LDLRAD3: variants seen among roughly 807,000 people sequenced by gnomAD.
The protein encoded by LDLRAD3 is low-density lipoprotein receptor class A domain-containing protein 3.
In LDLRAD3, 20 loss-of-function variants were observed where a neutral mutation model predicts 29.4. That is an observed-to-expected ratio of 0.68 (90% CI 0.48 to 0.99). The LOEUF (loss-of-function observed/expected upper bound fraction) is 0.99. Among genes scored for constraint, LDLRAD3 ranks in the 50% least tolerant of loss-of-function variants. LDLRAD3 has a pLI of 0.00. For missense variants in LDLRAD3, 420 were observed against 454.3 expected (o/e 0.92, Z 0.69); for synonymous variants, 157 against 192.7 (o/e 0.81, Z 1.53).
At chr11:35,976,864 G>T (rs1177101101) in intron 1 of LDLRAD3, among the ~76,000 whole-genome samples, 1 of 152,178 alleles carries the variant, frequency 6.6e-6, no homozygotes, top group Non-Finnish European at 1.5e-5. Flanking sequence ...GTGTGCGTGT[G>T]TGTACACACA....
intron 4 of LDLRAD3, among the ~76,000 whole-genome samples, chr11:36,145,434 G>A (rs534255162): frequency 2.6e-5 from 3 of 114,448 alleles, no homozygotes; most frequent in African/African-American, 7.7e-5. Flanking sequence ...GGTGAGGGGC[G>A]CCTCTGCCCG....
chr11:36,158,704 C>G (rs1854391412), intron 4 of LDLRAD3, among the ~76,000 whole-genome samples: 1 of 152,130 alleles, frequency 6.6e-6, no homozygotes, highest in Admixed American at 6.5e-5. Context: ...TGTGGTGTGA[C>G]AGATGCTCAC....
chr11:36,036,144 A>G lies in LDLRAD3; in HGVS notation c.88A>G (p.Asn30Asp), dbSNP rs779196700. ...LPGNNFTNEC[N>D]IPGNFMCSNG... ...CGGGAACAACTTCACCAATGAGTGC[A>G]ACATACCAGGCAACTTCATGTGCAG... Residue 30 changes from asparagine (N) to aspartate (D), a missense_variant, in exon 2 of 6, where the codon AAC becomes GAC. Transcript: ENST00000315571. The G allele has an allele frequency of 3.7e-6, 6 of 1,614,144 alleles. No homozygotes were observed. Among genetic ancestry groups the G allele is most frequent in the Non-Finnish European group, 5.1e-6 (6 of 1,180,020 alleles).
At chr11:36,143,735 TCCCAGCAC>T (rs1854120818) in intron 4 of LDLRAD3, among the ~76,000 whole-genome samples, 1 of 152,188 alleles carries the variant, frequency 6.6e-6, no homozygotes, top group Non-Finnish European at 1.5e-5. Context: ...GTCTGGTTTC[TCCCAGCAC>T]CCCTTTTTTT....
intron 1 of LDLRAD3, among the ~76,000 whole-genome samples, chr11:36,003,251 T>C (rs571988073): frequency 1.3e-5 from 2 of 152,260 alleles, no homozygotes; most frequent in African/African-American, 4.8e-5. Context: ...TTAGAGTGAG[T>C]GTGTGTCACA....
chr11:36,029,929 C>T (rs1852214692), intron 1 of LDLRAD3, among the ~76,000 whole-genome samples: 1 of 152,156 alleles, frequency 6.6e-6, no homozygotes, highest in East Asian at 1.9e-4. Context: ...AATTGCACAC[C>T]ATCTTCTTTT....
chr11:36,063,989 G>A (rs918943857), intron 2 of LDLRAD3, among the ~76,000 whole-genome samples: 1 of 152,070 alleles, frequency 6.6e-6, no homozygotes, highest in African/African-American at 2.4e-5. Flanking sequence ...TAGACTCTGT[G>A]GATCAATTTG....
intron 2 of LDLRAD3, among the ~76,000 whole-genome samples, chr11:36,039,559 G>T (rs1852354358): frequency 6.6e-6 from 1 of 152,086 alleles, no homozygotes; most frequent in Non-Finnish European, 1.5e-5. Context: ...CCTGTATACA[G>T]TAAGTGGCTT....
chr11:35,948,131 C>T (rs1851083340), intron 1 of LDLRAD3, among the ~76,000 whole-genome samples: 1 of 151,940 alleles, frequency 6.6e-6, no homozygotes, highest in African/African-American at 2.4e-5. Flanking sequence ...CATGGGGGTT[C>T]GTTTTCATTC....
intron 2 of LDLRAD3, among the ~76,000 whole-genome samples, chr11:36,040,399 C>T (rs1377009764): frequency 2.6e-5 from 4 of 151,882 alleles, no homozygotes; most frequent in South Asian, 2.1e-4. Context: ...CTATTGGCAT[C>T]CTGGAAGTTC....
At chr11:35,981,949 C>A (rs771679063) in intron 1 of LDLRAD3, among the ~76,000 whole-genome samples, 58 of 152,138 alleles carry the variant, frequency 3.8e-4, no homozygotes, top group African/African-American at 1.4e-3. Flanking sequence ...GCCTGGGAGT[C>A]GGAGCTCTTT....
intron 4 of LDLRAD3, among the ~76,000 whole-genome samples, chr11:36,158,525 C>CTTTTTT (rs61352747): frequency 3.7e-5 from 4 of 107,094 alleles, no homozygotes; most frequent in Admixed American, 1.0e-4. Context: ...ATGTTCTGGG[C>CTTTTTT]TTTTTTTTTT....
intron 2 of LDLRAD3, among the ~76,000 whole-genome samples, chr11:36,050,894 G>A (rs913776640): frequency 6.6e-6 from 1 of 152,154 alleles, no homozygotes; most frequent in Non-Finnish European, 1.5e-5. Context: ...CTCGCGTCCT[G>A]GTTTGTGGAC....
chr11:36,130,425 C>A (rs1416471558), intron 4 of LDLRAD3, among the ~76,000 whole-genome samples: 4 of 152,138 alleles, frequency 2.6e-5, no homozygotes, highest in African/African-American at 4.8e-5. Context: ...AAGATCCCAG[C>A]CTTGATCCTC....
chr11:35,994,752 A>G (rs1404242416), intron 1 of LDLRAD3, among the ~76,000 whole-genome samples: 1 of 152,226 alleles, frequency 6.6e-6, no homozygotes, highest in Non-Finnish European at 1.5e-5. Flanking sequence ...CTGCTTTGCC[A>G]GCTGTTTATG....
intron 4 of LDLRAD3, among the ~76,000 whole-genome samples, chr11:36,120,608 G>A (rs551899027): frequency 2.6e-5 from 4 of 152,284 alleles, no homozygotes; most frequent in Non-Finnish European, 5.9e-5. Context: ...AGACCCAGAG[G>A]CATTAGTTAA....
chr11:36,159,587 C>G (rs1015729229), intron 4 of LDLRAD3, among the ~76,000 whole-genome samples: 2 of 124,654 alleles, frequency 1.6e-5, no homozygotes, highest in African/African-American at 6.1e-5. Flanking sequence ...AGTAAAACAC[C>G]GTCTTTACAG....
At chr11:36,150,523 G>T (rs1209725050) in intron 4 of LDLRAD3, among the ~76,000 whole-genome samples, 1 of 151,818 alleles carries the variant, frequency 6.6e-6, no homozygotes, top group African/African-American at 2.4e-5. Context: ...GCGAGACCTT[G>T]TCTCTTTAAA....
chr11:36,104,839 G>A (rs1278961337), intron 4 of LDLRAD3, among the ~76,000 whole-genome samples: 1 of 152,152 alleles, frequency 6.6e-6, no homozygotes, highest in Non-Finnish European at 1.5e-5. Context: ...CTCCTGTCTG[G>A]TAACACTGAG....
Sources: allele counts gnomAD v4.1 joint callset (sites outside exome capture counted in the v4.1 genomes callset), GRCh38; gene constraint gnomAD v4.1.1; transcripts MANE v1.5; gene names NCBI Gene and HGNC (gene_info 2026-07-23, HGNC 2026-07-21).